The following EPHB1 variants were observed in gnomAD, a reference collection of about 807,000 sequenced individuals.
EPHB1 encodes the protein ephrin type-B receptor 1.
EPHB1 carries 30 observed loss-of-function variants against 94.4 expected under a neutral mutation model. The ratio of observed to expected loss-of-function variants is 0.32; its 90% confidence interval spans 0.24 to 0.43. The LOEUF is 0.43. EPHB1 is among the 20% of genes least tolerant of loss of function. The probability of loss-of-function intolerance (pLI) is 1.00; values close to 1 mark genes in which losing one functional copy is unlikely to be tolerated. For synonymous variants in EPHB1, 522 were observed against 489.1 expected, an observed-to-expected ratio of 1.07 and a Z score of -0.89; for missense variants, 1,055 against 1,308.3, an observed-to-expected ratio of 0.81 and a Z score of 2.99.
At chr3:135,227,367 A>G (rs983771100) in intron 12 of EPHB1, among the ~76,000 whole-genome samples, 2 of 152,212 alleles carry the variant, frequency 1.3e-5, no homozygotes, top group Non-Finnish European at 2.9e-5. Context: ...AGAAATTACT[A>G]TCATTCATAG....
In EPHB1 at chr3:135,250,704, AAC is replaced by A. The variant is rs761142740; in HGVS notation, c.2846+1223_2846+1224del. Among the ~76,000 whole-genome samples the A allele has an allele frequency of 3.5e-4, 54 of 152,158 alleles. 1 individual carries two copies. Among genetic ancestry groups the A allele is most frequent in the Admixed American group, 1.0e-3 (16 of 15,288 alleles). ...CCTTGGAAATTAACTCTACCCTTCA[AAC>A]ACACACACATACACACACACCGGGG... On this transcript the variant is annotated intron_variant, in intron 15 of 15. Transcript: ENST00000398015.
At chr3:134,803,423 CG>C (rs1239203973) in intron 1 of EPHB1, among the ~76,000 whole-genome samples, 3 of 152,088 alleles carry the variant, frequency 2.0e-5, no homozygotes, top group African/African-American at 4.8e-5. Flanking sequence ...GGACTGATTA[CG>C]GGGGCCATGT....
At chr3:135,055,347 T>C (rs1576350002) in intron 3 of EPHB1, among the ~76,000 whole-genome samples, 2 of 152,314 alleles carry the variant, frequency 1.3e-5, no homozygotes. Context: ...GGCTCACATC[T>C]CTCAGGCCCT....
rs5852807 is a variant in EPHB1, at chr3:134,975,780, A to G, written c.805+23728A>G. 1.2e-3 allele frequency among the ~76,000 whole-genome samples: 29 copies of G among 24,252 alleles called. No individual in the cohort carries two copies. In the African/African-American group the frequency reaches 0.019, roughly 16 times the overall value. The allele number at this position is 24,252 out of a possible 152,430, so 15.9% of individuals were successfully genotyped here. A position where few individuals can be genotyped will look rare whatever the true frequency, so the allele number is the denominator to read the frequency against. ...GAATAATAGAAAGATTTAAGAGGGC[A>G]GGGGGGGAGTGAGAAAGACAACATC... On this transcript the variant is annotated intron_variant, in intron 3 of 15. Coordinates refer to ENST00000398015, the MANE Select transcript of EPHB1 (RefSeq NM_004441.5).
chr3:134,845,843 C>T (rs1262113279), intron 1 of EPHB1, among the ~76,000 whole-genome samples: 1 of 152,152 alleles, frequency 6.6e-6, no homozygotes, highest in Admixed American at 6.5e-5. Flanking sequence ...AACAAGCTCT[C>T]CTTCCATTTT....
chr3:134,819,730 A>G (rs917923223), intron 1 of EPHB1, among the ~76,000 whole-genome samples: 1 of 152,026 alleles, frequency 6.6e-6, no homozygotes, highest in African/African-American at 2.4e-5. Flanking sequence ...TTTTTGTGGG[A>G]AAGGTAGTTG....
intron 1 of EPHB1, among the ~76,000 whole-genome samples, chr3:134,882,846 TTCTC>T (rs774640574): frequency 2.0e-4 from 30 of 151,176 alleles, no homozygotes; most frequent in Non-Finnish European, 4.0e-4. Context: ...TTTCTTTTCT[TTCTC>T]TCTTGACTGT....
rs181710376 is a variant in EPHB1, at chr3:135,035,460, A to G, written c.806-70988A>G. Among the ~76,000 whole-genome samples, 7 of 152,314 alleles carry G rather than the reference A, an allele frequency of 4.6e-5. No individual in the cohort carries two copies. In the East Asian group the frequency reaches 1.4e-3, roughly 29 times the overall value. On this transcript the variant is annotated intron_variant, in intron 3 of 15. Transcript: ENST00000398015. ...CCAGTATTTCCAATAATTACATGCA[A>G]TGGTAAATGGAATTGGGAAAAGTGA...
At chr3:135,256,771 C>T (rs1024122576) in intron 15 of EPHB1, among the ~76,000 whole-genome samples, 5 of 152,038 alleles carry the variant, frequency 3.3e-5, no homozygotes, top group South Asian at 2.1e-4. Context: ...CCTGCCTTGC[C>T]AGATTGGGGA....
chr3:134,926,998 A>T (rs1161490796), intron 2 of EPHB1, among the ~76,000 whole-genome samples: 1 of 152,112 alleles, frequency 6.6e-6, no homozygotes, highest in Non-Finnish European at 1.5e-5. Context: ...GCAGTTGGCT[A>T]ATTTCAGGGG....
intron 3 of EPHB1, among the ~76,000 whole-genome samples, chr3:135,051,695 G>A (rs1937172891): frequency 6.6e-6 from 1 of 152,174 alleles, no homozygotes; most frequent in African/African-American, 2.4e-5. Flanking sequence ...GAAAATGATT[G>A]CATTAAGTAT....
At chr3:134,949,829 C>T (rs1932948608) in intron 2 of EPHB1, among the ~76,000 whole-genome samples, 1 of 152,108 alleles carries the variant, frequency 6.6e-6, no homozygotes, top group Non-Finnish European at 1.5e-5. Context: ...CAGCTGTGGG[C>T]AGCTTCTTCC....
intron 1 of EPHB1, among the ~76,000 whole-genome samples, chr3:134,809,398 C>T (rs1231807520): frequency 6.6e-6 from 1 of 151,564 alleles, no homozygotes; most frequent in Non-Finnish European, 1.5e-5. Context: ...AACACAGTAG[C>T]ACAATGCTGC....
intron 11 of EPHB1, among the ~76,000 whole-genome samples, chr3:135,198,888 A>T (rs1576463504): frequency 6.6e-6 from 1 of 152,222 alleles, no homozygotes. Context: ...GCCCAAGCCC[A>T]CACAACCACT....
intron 3 of EPHB1, among the ~76,000 whole-genome samples, chr3:135,068,884 G>C (rs542356086): frequency 6.6e-6 from 1 of 151,340 alleles, no homozygotes; most frequent in Non-Finnish European, 1.5e-5. Flanking sequence ...TCCTGACCTC[G>C]TGATCTGCCC....
chr3:135,125,398 C>A (rs1940158004), intron 4 of EPHB1, among the ~76,000 whole-genome samples: 1 of 148,224 alleles, frequency 6.7e-6, no homozygotes. Context: ...TCTCCAAGGT[C>A]CTGAACCAAC....
rs138264834 is a variant in EPHB1 at position 135,047,717 on chromosome 3, C to A, written c.806-58731C>A. On this transcript the variant is annotated intron_variant, in intron 3 of 15. Coordinates refer to ENST00000398015, the MANE Select transcript of EPHB1 (RefSeq NM_004441.5). The stretch of plus-strand genomic sequence containing the variant: ...TTCCCTTAACAAACATTTACTTACA[C>A]CCTTGTGACAGTTTCTTTTTACTGT... 3.2e-4 allele frequency among the ~76,000 whole-genome samples: 48 copies of A among 152,314 alleles called. 1 individual carries two copies. In the East Asian group the frequency reaches 8.1e-3, roughly 26 times the overall value.
At chr3:135,166,198 T>G (rs1389356563) in intron 8 of EPHB1, 122 bp downstream of exon 8, 1 of 697,644 alleles carries the variant, frequency 1.4e-6, no homozygotes, top group Non-Finnish European at 2.5e-6. Context: ...TCACTCCATC[T>G]CAATCCAAGA....
chr3:135,109,673 A>G (rs1277843170), intron 4 of EPHB1, among the ~76,000 whole-genome samples: 1 of 152,238 alleles, frequency 6.6e-6, no homozygotes, highest in Non-Finnish European at 1.5e-5. Flanking sequence ...GCCTTGGCCT[A>G]AAGAACCTGC....
Sources: gnomAD v4.1 joint callset for allele counts (sites outside exome capture counted in the v4.1 genomes callset) on GRCh38, gnomAD v4.1.1 for gene constraint, MANE v1.5 for transcripts, NCBI Gene and HGNC (gene_info 2026-07-23, HGNC 2026-07-21) for gene names.